TYW3: variants seen among roughly 807,000 people sequenced by gnomAD.
TYW3 encodes tRNA wybutosine-synthesizing protein 3 homolog.
A neutral mutation model predicts 23.1 loss-of-function variants in TYW3; 26 were observed. The ratio of observed to expected loss-of-function variants is 1.13; its 90% confidence interval spans 0.83 to 1.56. The LOEUF is 1.56. TYW3 is among the 40% of genes most tolerant of loss of function. The pLI is 0.00. For missense variants in TYW3, 316 were observed against 311.9 expected (o/e 1.01, Z -0.10); for synonymous variants, 102 against 105.7 (o/e 0.97, Z 0.21).
intron 5 of TYW3, among the ~76,000 whole-genome samples, chr1:74,760,154 G>C (rs1009133453): frequency 6.6e-6 from 1 of 152,266 alleles, no homozygotes; most frequent in East Asian, 1.9e-4. Flanking sequence ...AAGTGGAAAT[G>C]GATCATCACA....
Position 74,733,416 on chromosome 1 carries a change from C to T in TYW3, c.172C>T (p.Arg58Trp). 1.2e-6 allele frequency: 2 copies of T among 1,614,088 alleles called. No homozygotes were observed. The highest frequency in any genetic ancestry group is 1.7e-6 in the Non-Finnish European group (2 of 1,179,986). ...SCAGRILLLD[R>W]GINGFEVQKQ... Reference sequence around the variant, plus strand: ...CGCTGGCCGCATCCTACTCCTTGACCGGGTGAGGCCCCTTTGCGCCTGTCC... The same window carrying T: ...CGCTGGCCGCATCCTACTCCTTGACTGGGTGAGGCCCCTTTGCGCCTGTCC... The change falls in exon 1 of 6, where the codon CGG becomes TGG. Residue 58 changes from arginine to tryptophan, a missense_variant and splice_region_variant. By Grantham distance (101) the Arg-to-Trp change is moderately radical (BLOSUM62 -3). Transcript: ENST00000370867.
At chr1:74,758,930 T>G (rs1413431918) in intron 5 of TYW3, among the ~76,000 whole-genome samples, 2 of 152,216 alleles carry the variant, frequency 1.3e-5, no homozygotes, top group African/African-American at 4.8e-5. Context: ...TTTATTGAAT[T>G]AATGATAAAA....
chr1:74,755,999 C>T (rs946641308), intron 5 of TYW3, among the ~76,000 whole-genome samples: 11 of 152,192 alleles, frequency 7.2e-5, no homozygotes, highest in Non-Finnish European at 1.2e-4. Context: ...GTTTTAAAAA[C>T]GGGAGTCGCC....
chr1:74,748,775 T>A lies in TYW3; in HGVS notation c.379T>A (p.Phe127Ile), dbSNP rs1308455114. ...GCATTCCATGGCAATAGATTCTGGT[T>A]TCAGGAACTCTGGCATAACGGTGGG... ...ILHSMAIDSG[F>I]RNSGITVGKR... is the part of the protein sequence containing the mutation. The change falls in exon 4 of 6, where the codon TTC becomes ATC. Residue 127 changes from phenylalanine to isoleucine, a missense_variant. Phe to Ile is a conservative substitution (Grantham distance 21). Transcript: ENST00000370867. 6.2e-7 allele frequency: 1 copy of A among 1,614,110 alleles called. No homozygotes were observed. The highest frequency in any genetic ancestry group is 1.7e-5 in the Admixed American group (1 of 60,026).
intron 5 of TYW3, among the ~76,000 whole-genome samples, chr1:74,755,259 G>T (rs1648914029): frequency 6.6e-6 from 1 of 152,042 alleles, no homozygotes; most frequent in African/African-American, 2.4e-5. Context: ...ACATTGTTAT[G>T]CAACTGTCGC....
chr1:74,759,147 G>A (rs1251962237), intron 5 of TYW3, among the ~76,000 whole-genome samples: 2 of 152,256 alleles, frequency 1.3e-5, no homozygotes, highest in Admixed American at 6.5e-5. Flanking sequence ...CCTGTCAGAT[G>A]GTTTAGAGAT....
chr1:74,733,945 T>TA (rs759344021), intron 1 of TYW3, among the ~76,000 whole-genome samples: 6 of 151,812 alleles, frequency 4.0e-5, no homozygotes, highest in Non-Finnish European at 7.4e-5. Flanking sequence ...CAGAGAAAAG[T>TA]ACGATCGTAT....
At chr1:74,739,488 G>GC (rs1378066452) in intron 3 of TYW3, among the ~76,000 whole-genome samples, 1 of 152,236 alleles carries the variant, frequency 6.6e-6, no homozygotes. Context: ...CTTTCTTTAA[G>GC]CTAAGACTTA....
chr1:74,760,021 A>C (rs1649084238), intron 5 of TYW3, among the ~76,000 whole-genome samples: 1 of 152,234 alleles, frequency 6.6e-6, no homozygotes. Flanking sequence ...TAACATAAGC[A>C]GTTGATTAGC....
chr1:74,742,848 A>T lies in TYW3; in HGVS notation c.354+4060A>T, dbSNP rs28866539. 1.4e-3 allele frequency among the ~76,000 whole-genome samples: 219 copies of T among 152,324 alleles called. 1 individual carries two copies. The highest frequency in any genetic ancestry group is 0.014 in the Middle Eastern group (4 of 294). On this transcript the variant is annotated intron_variant, in intron 3 of 5. Transcript: ENST00000370867. ...GGAGGTAGGAGAAATACCTGGTTAC[A>T]GGCTGTCCCAGGATTCCTTGGATGG...
chr1:74,760,747 C>G (rs1416576497), intron 5 of TYW3, among the ~76,000 whole-genome samples: 1 of 152,218 alleles, frequency 6.6e-6, no homozygotes, highest in African/African-American at 2.4e-5. Context: ...TAGTTAAAAT[C>G]TAAATACATA....
Position 74,752,324 on chromosome 1 carries a change from A to T in TYW3, c.459A>T (p.Pro153=). The T allele has an allele frequency of 2.5e-6, 4 of 1,613,016 alleles. No individual in the cohort carries two copies. The highest frequency in any genetic ancestry group is 3.4e-6 in the Non-Finnish European group (4 of 1,179,472). ...AVRSTHGLEV[P]LSHKGKLMVT... is the part of the protein sequence containing the mutation. ...GGAGTACACATGGCTTAGAAGTTCC[A>T]TTAAGCCATAAGGGAAAACTGATGG... Residue 153 remains proline (P), a synonymous_variant, in exon 5 of 6, where the codon CCA becomes CCT. Coordinates refer to ENST00000370867, the MANE Select transcript of TYW3 (RefSeq NM_138467.3).
chr1:74,763,390 A>G (rs1047044194), intron 5 of TYW3, among the ~76,000 whole-genome samples: 2 of 152,152 alleles, frequency 1.3e-5, no homozygotes, highest in South Asian at 2.1e-4. Context: ...CTCAATAAAT[A>G]ATAACTTTGA....
At chr1:74,755,513 T>G (rs1413558036) in intron 5 of TYW3, among the ~76,000 whole-genome samples, 4 of 152,236 alleles carry the variant, frequency 2.6e-5, no homozygotes, top group East Asian at 1.9e-4. Context: ...GAATTTCAGT[T>G]TCTTTAAGAG....
chr1:74,739,768 A>G (rs1648285480), intron 3 of TYW3, among the ~76,000 whole-genome samples: 1 of 152,246 alleles, frequency 6.6e-6, no homozygotes, highest in African/African-American at 2.4e-5. Context: ...GCATAGAGAA[A>G]GGAGTGCAGT....
At chr1:74,755,183 C>G (rs1421223508) in intron 5 of TYW3, among the ~76,000 whole-genome samples, 1 of 151,738 alleles carries the variant, frequency 6.6e-6, no homozygotes, top group African/African-American at 2.4e-5. Flanking sequence ...TTTTTTAACT[C>G]TATTTTCTGA....
At chr1:74,738,118 AAAC>A (rs1648215714) in intron 2 of TYW3, among the ~76,000 whole-genome samples, 1 of 150,644 alleles carries the variant, frequency 6.6e-6, no homozygotes, top group Non-Finnish European at 1.5e-5. Context: ...AAAAAAAAAC[AAAC>A]AAAAAAACTG....
At chr1:74,739,362 C>CA (rs961772605) in intron 3 of TYW3, among the ~76,000 whole-genome samples, 5 of 151,622 alleles carry the variant, frequency 3.3e-5, no homozygotes, top group Admixed American at 2.6e-4. Context: ...AGTGAACTGG[C>CA]AAAAAAACAA....
At chr1:74,738,812 T>C (rs748459266) in intron 3 of TYW3, 24 bp downstream of exon 3, 1 of 1,575,384 alleles carries the variant, frequency 6.3e-7, no homozygotes, top group Admixed American at 1.7e-5. Context: ...GTAATTGTAC[T>C]TGAATTTATA....
Sources: gnomAD v4.1 joint callset for allele counts (sites outside exome capture counted in the v4.1 genomes callset) on GRCh38, gnomAD v4.1.1 for gene constraint, MANE v1.5 for transcripts, NCBI Gene and HGNC (gene_info 2026-07-23, HGNC 2026-07-21) for gene names.